The following EYS variants were observed in gnomAD, a reference collection of about 807,000 sequenced individuals.
The protein encoded by EYS is protein eyes shut homolog.
A neutral mutation model predicts 282.1 loss-of-function variants in EYS; 250 were observed. The observed-to-expected ratio is 0.89, with a 90% confidence interval of 0.80 to 0.98. The LOEUF (loss-of-function observed/expected upper bound fraction) is 0.98. EYS is among the 50% of genes least tolerant of loss of function. The pLI is 0.00. For synonymous variants in EYS, 1,355 were observed against 1,282.9 expected, an observed-to-expected ratio of 1.06 and a Z score of -1.20; for missense variants, 4,016 against 3,709.0, an observed-to-expected ratio of 1.08 and a Z score of -2.15.
chr6:65,111,468 T>A (rs1775209755), intron 12 of EYS, among the ~76,000 whole-genome samples: 1 of 152,204 alleles, frequency 6.6e-6, no homozygotes, highest in South Asian at 2.1e-4. Flanking sequence ...TTCATTTTCT[T>A]TTCTTGGATC....
chr6:64,955,960 C>T (rs1281437164), intron 14 of EYS, among the ~76,000 whole-genome samples: 2 of 152,088 alleles, frequency 1.3e-5, no homozygotes, highest in African/African-American at 2.4e-5. Flanking sequence ...TCTTCTTTGT[C>T]CTCTGACAAG....
At chr6:64,707,639 G>A (rs558296351) in intron 22 of EYS, among the ~76,000 whole-genome samples, 1 of 143,938 alleles carries the variant, frequency 6.9e-6, no homozygotes, top group African/African-American at 2.6e-5. Flanking sequence ...CACTCCAGCC[G>A]GGGCGACAGA....
Position 64,254,242 on chromosome 6 carries a change from C to T in EYS, c.6192-23418G>A, listed in dbSNP as rs535608318. Among the ~76,000 whole-genome samples, 5 of 152,110 alleles carry T rather than the reference C, an allele frequency of 3.3e-5. No homozygotes were observed. In the East Asian group the frequency reaches 5.8e-4, roughly 18 times the overall value. On this transcript the variant is annotated intron_variant, in intron 30 of 42. Coordinates refer to ENST00000503581, the MANE Select transcript of EYS (RefSeq NM_001142800.2). ...AAAACATTTCTCAGGAGGACATGTTCGTTTGGAAAACAGTCTGAATGTGCA... is the reference window on the plus strand; with the variant it reads ...AAAACATTTCTCAGGAGGACATGTTTGTTTGGAAAACAGTCTGAATGTGCA...
At chr6:65,563,294 C>A (rs925212982) in intron 2 of EYS, among the ~76,000 whole-genome samples, 9 of 151,894 alleles carry the variant, frequency 5.9e-5, no homozygotes, top group Admixed American at 3.9e-4. Context: ...AAAATTAAAT[C>A]AAAATATCTC....
chr6:64,524,093 T>G (rs1777843313), intron 26 of EYS, among the ~76,000 whole-genome samples: 1 of 151,714 alleles, frequency 6.6e-6, no homozygotes, highest in African/African-American at 2.4e-5. Context: ...ACAGCTTAAC[T>G]CTCTGAGATA....
chr6:65,513,486 A>T (rs1370630626), intron 2 of EYS, among the ~76,000 whole-genome samples: 18 of 152,222 alleles, frequency 1.2e-4, no homozygotes, highest in Admixed American at 1.0e-3. Context: ...AGACACAACC[A>T]AAAAAGAGAA....
intron 19 of EYS, among the ~76,000 whole-genome samples, chr6:64,873,254 A>G (rs1766648568): frequency 6.6e-6 from 1 of 152,020 alleles, no homozygotes; most frequent in South Asian, 2.1e-4. Context: ...AAACCATCAG[A>G]TCTTGTGAGA....
intron 31 of EYS, among the ~76,000 whole-genome samples, chr6:64,125,561 G>A (rs1773750948): frequency 6.6e-6 from 1 of 151,944 alleles, no homozygotes; most frequent in East Asian, 1.9e-4. Flanking sequence ...TGAGGCGGGC[G>A]GATCGTGAGG....
chr6:65,628,813 C>T (rs1049372245), intron 2 of EYS, among the ~76,000 whole-genome samples: 2 of 152,316 alleles, frequency 1.3e-5, no homozygotes, highest in Non-Finnish European at 2.9e-5. Flanking sequence ...CCGCGAGGGT[C>T]CGCGGCTTCA....
In EYS at chr6:64,307,218, C is replaced by T. The variant is rs1327446994; in HGVS notation, c.6079-136G>A. 6 of 541,746 alleles carry T rather than the reference C, an allele frequency of 1.1e-5. No individual in the cohort carries two copies. The East Asian group carries it at 1.6e-4, about 14-fold the overall frequency. 33.6% of individuals were successfully genotyped at this position (541,746 alleles called of 1,614,324 possible). On this transcript the variant is annotated intron_variant, in intron 29 of 42. Transcript: ENST00000503581. ...TGATTTATTCTACTTATTTATAGTA[C>T]AGTAATTCAAATATTTTCATAAATA...
intron 22 of EYS, among the ~76,000 whole-genome samples, chr6:64,775,211 T>C (rs1474564455): frequency 2.6e-5 from 4 of 151,958 alleles, no homozygotes; most frequent in African/African-American, 9.7e-5. Flanking sequence ...ACAAGTGTGG[T>C]CTGCATTGCC....
intron 35 of EYS, among the ~76,000 whole-genome samples, chr6:63,888,129 G>A (rs1773312649): frequency 6.6e-6 from 1 of 152,208 alleles, no homozygotes; most frequent in Admixed American, 6.5e-5. Flanking sequence ...AAGAAAGGCA[G>A]CAGCCCCAGT....
intron 26 of EYS, among the ~76,000 whole-genome samples, chr6:64,587,234 G>A (rs1766261329): frequency 6.6e-6 from 1 of 151,916 alleles, no homozygotes; most frequent in African/African-American, 2.4e-5. Context: ...GTCACCAGCA[G>A]CAAGGGACTC....
intron 33 of EYS, among the ~76,000 whole-genome samples, chr6:64,060,976 TAC>T (rs929350094): frequency 1.3e-5 from 2 of 152,174 alleles, no homozygotes; most frequent in African/African-American, 4.8e-5. Flanking sequence ...CTGGCAGTAA[TAC>T]AGTTCTTGGC....
At chr6:64,046,519 G>GA (rs1271894347) in intron 33 of EYS, among the ~76,000 whole-genome samples, 1 of 151,060 alleles carries the variant, frequency 6.6e-6, no homozygotes, top group African/African-American at 2.4e-5. Flanking sequence ...GCATGAATTT[G>GA]ACCTGAAAGG....
chr6:64,367,558 A>G (rs1471460820), intron 29 of EYS, among the ~76,000 whole-genome samples: 1 of 151,982 alleles, frequency 6.6e-6, no homozygotes, highest in Non-Finnish European at 1.5e-5. Context: ...CCCAGGGCAT[A>G]TAGCAAAGTT....
intron 24 of EYS, among the ~76,000 whole-genome samples, chr6:64,604,138 TA>T (rs1057293594): frequency 2.6e-5 from 4 of 151,980 alleles, no homozygotes; most frequent in Non-Finnish European, 5.9e-5. Context: ...AATTCATCTA[TA>T]ATGGCTCCTG....
chr6:63,825,310 C>T (rs1771431014), intron 36 of EYS, among the ~76,000 whole-genome samples: 2 of 152,172 alleles, frequency 1.3e-5, no homozygotes, highest in Admixed American at 6.5e-5. Context: ...ATGGTCCTTC[C>T]CTACCCACCC....
At chr6:65,440,199 C>G (rs1162734500) in intron 5 of EYS, among the ~76,000 whole-genome samples, 2 of 151,966 alleles carry the variant, frequency 1.3e-5, no homozygotes, top group African/African-American at 2.4e-5. Flanking sequence ...ATTGTTCAAG[C>G]ATGCATTTTA....
Sources: allele counts gnomAD v4.1 joint callset (sites outside exome capture counted in the v4.1 genomes callset), GRCh38; gene constraint gnomAD v4.1.1; transcripts MANE v1.5; gene names NCBI Gene and HGNC (gene_info 2026-07-23, HGNC 2026-07-21).